ZCCHC2: variants seen among roughly 807,000 people sequenced by gnomAD.
ZCCHC2 encodes zinc finger CCHC domain-containing protein 2.
Under a neutral mutation model 103.6 loss-of-function variants are expected in ZCCHC2, and 39 were observed. That is an observed-to-expected ratio of 0.38 (90% CI 0.29 to 0.49). The LOEUF (loss-of-function observed/expected upper bound fraction) is 0.49. ZCCHC2 is among the 20% of genes least tolerant of loss of function. The pLI, the probability that ZCCHC2 is intolerant of heterozygous loss-of-function variation, is 0.96. For synonymous variants in ZCCHC2, 687 were observed against 608.9 expected (o/e 1.13, Z -1.89); for missense variants, 1,483 against 1,491.0 (o/e 0.99, Z 0.09).
chr18:62,562,866 CT>C (rs999325071), intron 8 of ZCCHC2, 142 bp from the exon 9 acceptor site: 32 of 859,070 alleles, frequency 3.7e-5, no homozygotes, highest in South Asian at 1.4e-4. Flanking sequence ...TCATAGTATA[CT>C]TTTTTTTCTT....
chr18:62,529,206 C>T (rs1291249925), intron 1 of ZCCHC2, among the ~76,000 whole-genome samples: 2 of 148,366 alleles, frequency 1.3e-5, no homozygotes, highest in East Asian at 3.9e-4. Flanking sequence ...ATGACCAGTT[C>T]TAATGCTCAC....
chr18:62,524,488 C>T (rs944269004), intron 1 of ZCCHC2, 125 bp downstream of exon 1: 6 of 1,360,748 alleles, frequency 4.4e-6, no homozygotes, highest in East Asian at 5.8e-5. Context: ...AATCCCCACC[C>T]GGCAGCTCCC....
At chr18:62,550,816 G>A (rs1337262913) in intron 5 of ZCCHC2, among the ~76,000 whole-genome samples, 1 of 152,220 alleles carries the variant, frequency 6.6e-6, no homozygotes, top group Non-Finnish European at 1.5e-5. Flanking sequence ...TGCCTGGGCT[G>A]GTGGGTGGGA....
At chr18:62,566,298 T>C (rs1396507858) in intron 11 of ZCCHC2, among the ~76,000 whole-genome samples, 4 of 152,148 alleles carry the variant, frequency 2.6e-5, no homozygotes, top group South Asian at 2.1e-4. Context: ...GGCCAACTCA[T>C]TGAAGCATTG....
At chr18:62,579,426 T>C (rs1324502567), downstream of ZCCHC2, among the ~76,000 whole-genome samples, 1 of 152,244 alleles carries the variant, frequency 6.6e-6, no homozygotes, top group Non-Finnish European at 1.5e-5. Flanking sequence ...CACGCCGCCC[T>C]TGACGCAGTC....
At chr18:62,569,976 A>G in intron 11 of ZCCHC2, 127 bp from the exon 12 acceptor site, 1 of 852,600 alleles carries the variant, frequency 1.2e-6, no homozygotes, top group Non-Finnish European at 1.8e-6. Flanking sequence ...GATCAAGGAC[A>G]AGCTTTTTTA....
Position 62,576,544 on chromosome 18 carries a change from C to A in ZCCHC2, c.3502C>A (p.Pro1168Thr). 2.5e-6 allele frequency: 4 copies of A among 1,613,804 alleles called. No individual in the cohort carries two copies. Among genetic ancestry groups the A allele is most frequent in the Non-Finnish European group, 3.4e-6 (4 of 1,179,784 alleles). The part of the protein sequence containing the change: ...TYRLRYAPPL[P>T]PSNDTLDSAD ...CAGACTGAGATACGCACCTCCCCTC[C>A]CCCCTTCTAATGATACGTTGGATTC... The change falls in exon 14 of 14, where the codon CCC (proline) becomes ACC (threonine). Residue 1168 changes from proline (P) to threonine (T), a missense_variant. Pro to Thr is a conservative substitution (Grantham distance 38). Around this residue, in one of 3 missense-constraint regions of ZCCHC2, gnomAD observed 884 missense variants for 907.5 expected, o/e 0.97. Transcript: ENST00000269499.
chr18:62,561,333 C>T (rs1916106518), intron 8 of ZCCHC2, among the ~76,000 whole-genome samples: 1 of 152,256 alleles, frequency 6.6e-6, no homozygotes, highest in Non-Finnish European at 1.5e-5. Context: ...TCCTTATCAT[C>T]TGGTTCTCCC....
At chr18:62,531,878 G>C (rs544644617) in intron 1 of ZCCHC2, among the ~76,000 whole-genome samples, 221 of 151,876 alleles carry the variant, frequency 1.5e-3, no homozygotes, top group Non-Finnish European at 2.5e-3. Context: ...CAGCTACTCA[G>C]AAGGCTGAGG....
At chr18:62,566,752 C>T (rs1181592675) in intron 11 of ZCCHC2, among the ~76,000 whole-genome samples, 2 of 152,184 alleles carry the variant, frequency 1.3e-5, no homozygotes, top group South Asian at 2.1e-4. Context: ...AAGCATGTGA[C>T]CTCTCTGATG....
chr18:62,538,260 CAAAAAAA>C (rs35609138), intron 1 of ZCCHC2, among the ~76,000 whole-genome samples: 1 of 122,642 alleles, frequency 8.2e-6, no homozygotes, highest in East Asian at 2.4e-4. Flanking sequence ...GACCCTGTCT[CAAAAAAA>C]AAAAAAAAAA....
Position 62,575,498 on chromosome 18 carries a change from C to T in ZCCHC2, c.3417C>T (p.Ser1139=), listed in dbSNP as rs536205273. The change falls in exon 13 of 14, where the codon AGC becomes AGT. Residue 1139 remains serine (S), a synonymous_variant. Coordinates refer to ENST00000269499, the MANE Select transcript of ZCCHC2 (RefSeq NM_017742.6). ...GNVSCYNCGV[S]GHYAQDCKQS... The stretch of plus-strand genomic sequence containing the variant: ...TCTCATGTTACAATTGTGGTGTAAG[C>T]GGACACTATGCACAGGACTGTAAGC... 4.3e-5 allele frequency: 70 copies of T among 1,614,020 alleles called. No individual in the cohort carries two copies. The highest frequency in any genetic ancestry group is 5.3e-5 in the Non-Finnish European group (62 of 1,179,884).
rs751873307 is a variant in ZCCHC2 at position 62,574,495 on chromosome 18, C to A, written c.2414C>A (p.Thr805Asn). Reference protein sequence around the residue: ...IPSTFLPHSSTPALHLTVQRL... With the variant: ...IPSTFLPHSSNPALHLTVQRL... ...TCAACCTTCCTTCCACACAGTAGTA[C>A]TCCCGCTTTGCATCTTACAGTTCAG... The change falls in exon 13 of 14, where the codon ACT (threonine) becomes AAT (asparagine). Residue 805 changes from threonine to asparagine, a missense_variant. By Grantham distance (65) the Thr-to-Asn change is moderately conservative. Transcript: ENST00000269499. The A allele has an allele frequency of 6.2e-7, 1 of 1,614,014 alleles. No homozygotes were observed. Among genetic ancestry groups the A allele is most frequent in the African/African-American group, 1.3e-5 (1 of 75,044 alleles).
chr18:62,523,376 G>GCGGCGC lies in ZCCHC2; in HGVS notation c.-48_-47insGGCGCC. ...GCCTCGGCCCGTGCTCCACCTCGCGGCCCCTCCCGCCCGCCCCCGCTCGCA... is the reference window on the plus strand; with the variant it reads ...GCCTCGGCCCGTGCTCCACCTCGCGGCGGCGCCCCCTCCCGCCCGCCCCCGCTCGCA... On this transcript the variant is annotated 5_prime_UTR_variant, in exon 1 of 14. Coordinates refer to ENST00000269499, the MANE Select transcript of ZCCHC2 (RefSeq NM_017742.6). The GCGGCGC allele has an allele frequency of 4.0e-6, 4 of 1,012,352 alleles. No homozygotes were observed. Among genetic ancestry groups the GCGGCGC allele is most frequent in the Non-Finnish European group, 4.7e-6 (4 of 848,988 alleles). The allele number at this position is 1,012,352 out of a possible 1,614,324, so 62.7% of individuals were successfully genotyped here.
intron 3 of ZCCHC2, among the ~76,000 whole-genome samples, chr18:62,543,452 A>G (rs1003837416): frequency 6.6e-6 from 1 of 152,112 alleles, no homozygotes; most frequent in Non-Finnish European, 1.5e-5. Flanking sequence ...TTTAAGGGAG[A>G]AAGATCCTCA....
chr18:62,552,804 C>T lies in ZCCHC2; in HGVS notation c.1313+2344C>T, dbSNP rs1026548093. Among the ~76,000 whole-genome samples, 43 of 151,560 alleles carry T rather than the reference C, an allele frequency of 2.8e-4. 1 individual carries two copies. Among genetic ancestry groups the T allele is most frequent in the Admixed American group, 2.7e-3 (41 of 15,210 alleles). On this transcript the variant is annotated intron_variant, in intron 5 of 13. Coordinates refer to ENST00000269499, the MANE Select transcript of ZCCHC2 (RefSeq NM_017742.6). ...ACTCCAGAGGCTGAGGTGGGAAGATCGCTTCAGCCCAGGAGCTTGAGGCCG... is the reference window on the plus strand; with the variant it reads ...ACTCCAGAGGCTGAGGTGGGAAGATTGCTTCAGCCCAGGAGCTTGAGGCCG...
At position 62,523,386 on chromosome 18, in the gene ZCCHC2, C is replaced by T. The variant is rs1192565473; in HGVS notation, c.-39C>T. On this transcript the variant is annotated 5_prime_UTR_variant, in exon 1 of 14. Coordinates refer to ENST00000269499, the MANE Select transcript of ZCCHC2 (RefSeq NM_017742.6). ...GTGCTCCACCTCGCGGCCCCTCCCG[C>T]CCGCCCCCGCTCGCATGTCTGCGCC... 1 of 1,002,842 alleles carries T rather than the reference C, an allele frequency of 1.0e-6. No individual in the cohort carries two copies. The highest frequency in any genetic ancestry group is 1.2e-6 in the Non-Finnish European group (1 of 839,258). The allele number at this position is 1,002,842 out of a possible 1,614,324, so 62.1% of individuals were successfully genotyped here.
At chr18:62,537,366 C>T (rs188362722) in intron 1 of ZCCHC2, among the ~76,000 whole-genome samples, 125 of 152,248 alleles carry the variant, frequency 8.2e-4, no homozygotes, top group Non-Finnish European at 1.2e-3. Flanking sequence ...GCGATAGGAT[C>T]GTGCAGTGTC....
chr18:62,560,405 G>T, intron 7 of ZCCHC2, 182 bp from the exon 8 acceptor site: 1 of 436,684 alleles, frequency 2.3e-6, no homozygotes, highest in Non-Finnish European at 4.1e-6. Context: ...GAACATAAAA[G>T]GTAATTCAGA....
Sources: allele counts gnomAD v4.1 joint callset (sites outside exome capture counted in the v4.1 genomes callset), GRCh38; gene constraint gnomAD v4.1.1; regional missense constraint gnomAD v4.1.1; transcripts MANE v1.5; gene names NCBI Gene and HGNC (gene_info 2026-07-23, HGNC 2026-07-21).